PUM1: variants seen among roughly 807,000 people sequenced by gnomAD.
The protein encoded by PUM1 is pumilio RNA binding family member 1.
PUM1 carries 13 observed loss-of-function variants against 131.8 expected under a neutral mutation model. The ratio of observed to expected loss-of-function variants is 0.10; its 90% CI spans 0.06 to 0.16. PUM1 has a LOEUF of 0.16. PUM1 is among the 10% of genes least tolerant of loss of function. The pLI is 1.00. For synonymous variants in PUM1, 509 were observed against 556.5 expected, an observed-to-expected ratio of 0.91 and a Z score of 1.20; for missense variants, 961 against 1,512.4, an observed-to-expected ratio of 0.64 and a Z score of 6.05.
At chr1:30,985,638 G>A (rs1174257987) in intron 7 of PUM1, among the ~76,000 whole-genome samples, 2 of 100,856 alleles carry the variant, frequency 2.0e-5, no homozygotes, top group Non-Finnish European at 3.6e-5. Flanking sequence ...CAACAAGAGT[G>A]AAACTCCATC....
Position 30,933,167 on chromosome 1 carries a change from C to T in PUM1, c.*44G>A. 6.4e-7 allele frequency: 1 copy of T among 1,574,366 alleles called. No individual in the cohort carries two copies. Among genetic ancestry groups the T allele is most frequent in the Non-Finnish European group, 8.6e-7 (1 of 1,160,188 alleles). ...GTTGCTGGTTGGATTTGCCAGTGGG[C>T]CAGTGAGGTCAGCGGGAATGAGGGA... On this transcript the variant is annotated 3_prime_UTR_variant, in exon 22 of 22. Coordinates refer to ENST00000426105, the MANE Select transcript of PUM1 (RefSeq NM_001020658.2).
rs138764103 is a variant in PUM1, at chr1:31,011,164, TACACACAC to T, written c.433-4070_433-4063del. Reference sequence around the variant, plus strand: ...CAGAGTGAGACCCTATCTCTTAAAATACACACACACACACACACACACACACACACACA... The same window carrying T: ...CAGAGTGAGACCCTATCTCTTAAAATACACACACACACACACACACACACA... On this transcript the variant is annotated intron_variant, in intron 3 of 21. Transcript: ENST00000426105. Among the ~76,000 whole-genome samples, 125 of 143,038 alleles carry T rather than the reference TACACACAC, an allele frequency of 8.7e-4. No homozygotes were observed. The East Asian group carries it at 9.0e-3, about 10-fold the overall frequency. 93.8% of individuals were successfully genotyped at this position (143,038 alleles called of 152,430 possible).
In PUM1 at chr1:31,009,782, A is replaced by AAACAAAAAC. The variant is rs1553150215; in HGVS notation, c.433-2681_433-2680insGTTTTTGTT. Among the ~76,000 whole-genome samples, 511 of 125,288 alleles carry AAACAAAAAC rather than the reference A, an allele frequency of 4.1e-3. 2 individuals are homozygous for AAACAAAAAC. Among genetic ancestry groups the AAACAAAAAC allele is most frequent in the African/African-American group, 0.016 (488 of 30,338 alleles). The allele number at this position is 125,288 out of a possible 152,430, so 82.2% of individuals were successfully genotyped here. A position where few individuals can be genotyped will look rare whatever the true frequency, so the allele number is the denominator to read the frequency against. On this transcript the variant is annotated intron_variant, in intron 3 of 21. Coordinates refer to ENST00000426105, the MANE Select transcript of PUM1 (RefSeq NM_001020658.2). The stretch of plus-strand genomic sequence containing the variant: ...GACTCTGTCTCAAAAAAAAAAAAAA[A>AAACAAAAAC]AAAAACAAAAACAGAAACAAAAAAA...
At chr1:30,975,296 T>C (rs1641086610) in intron 9 of PUM1, among the ~76,000 whole-genome samples, 1 of 152,106 alleles carries the variant, frequency 6.6e-6, no homozygotes, top group African/African-American at 2.4e-5. Flanking sequence ...CAACAAAACC[T>C]AGACACTCAA....
chr1:31,053,341 CAA>C (rs112722614), intron 2 of PUM1, among the ~76,000 whole-genome samples: 42 of 126,456 alleles, frequency 3.3e-4, no homozygotes, highest in Admixed American at 4.0e-4. Context: ...ATTTTACAGG[CAA>C]AAAAAAAAAA....
chr1:31,007,649 A>AGG (rs1642441929), intron 3 of PUM1, among the ~76,000 whole-genome samples: 2 of 152,198 alleles, frequency 1.3e-5, no homozygotes, highest in African/African-American at 4.8e-5. Context: ...AACCTATTCC[A>AGG]AGATTTTGGA....
At chr1:31,028,142 C>T (rs1243653675) in intron 3 of PUM1, among the ~76,000 whole-genome samples, 1 of 152,192 alleles carries the variant, frequency 6.6e-6, no homozygotes, top group Non-Finnish European at 1.5e-5. Context: ...CTTTTTAAGA[C>T]TTACAGCAAC....
At chr1:30,956,212 AAGG>A (rs1640158750) in intron 14 of PUM1, among the ~76,000 whole-genome samples, 1 of 152,326 alleles carries the variant, frequency 6.6e-6, no homozygotes, top group African/African-American at 2.4e-5. Flanking sequence ...TTAAGGAAGA[AAGG>A]AGATTAACTG....
chr1:31,028,698 C>A, intron 3 of PUM1, 98 bp downstream of exon 3: 1 of 1,025,006 alleles, frequency 9.8e-7, no homozygotes, highest in Non-Finnish European at 1.5e-6. Context: ...AAAGCAAGCA[C>A]ATATTTCTGG....
chr1:31,056,784 G>A lies in PUM1; in HGVS notation c.363+2420C>T, dbSNP rs190225843. The stretch of plus-strand genomic sequence containing the variant: ...TGGAAACACAGGCATGTGCCCCCAC[G>A]CCCAGCTAATTTTTTACTTTATTTT... On this transcript the variant is annotated intron_variant, in intron 2 of 21. Coordinates refer to ENST00000426105, the MANE Select transcript of PUM1 (RefSeq NM_001020658.2). Among the ~76,000 whole-genome samples the A allele has an allele frequency of 3.1e-4, 47 of 151,334 alleles. 1 individual carries two copies. In the East Asian group the frequency reaches 8.8e-3, roughly 28 times the overall value.
chr1:31,025,491 G>A (rs2124541206), intron 3 of PUM1, among the ~76,000 whole-genome samples: 1 of 148,720 alleles, frequency 6.7e-6, no homozygotes, highest in East Asian at 2.0e-4. Flanking sequence ...TAGCTTAAAA[G>A]TCATGCAATT....
intron 2 of PUM1, among the ~76,000 whole-genome samples, chr1:31,038,984 A>ATATATATAT: frequency 2.0e-4 from 10 of 49,418 alleles, no homozygotes; most frequent in African/African-American, 4.1e-4. Context: ...ATATATATAT[A>ATATATATAT]TTTTTTTTTT....
chr1:30,933,435 C>CACAG, intron 21 of PUM1, 93 bp from the exon 22 acceptor site: 1 of 871,282 alleles, frequency 1.1e-6, no homozygotes, highest in Non-Finnish European at 1.8e-6. Flanking sequence ...GCATCACACA[C>CACAG]ACATACACAC....
intron 2 of PUM1, chr1:31,037,143 GA>G: frequency 6.5e-6 from 1 of 153,244 alleles, no homozygotes. Context: ...ATCCTACAAG[GA>G]AAAACCAGGC....
chr1:30,975,111 G>C (rs1285696370), intron 9 of PUM1, among the ~76,000 whole-genome samples: 5 of 152,184 alleles, frequency 3.3e-5, no homozygotes, highest in African/African-American at 4.8e-5. Flanking sequence ...ATGTAGCATA[G>C]AGACAATATC....
At chr1:31,060,829 T>G (rs1046124892) in intron 1 of PUM1, among the ~76,000 whole-genome samples, 1 of 151,232 alleles carries the variant, frequency 6.6e-6, no homozygotes, top group Admixed American at 6.6e-5. Flanking sequence ...GAGGTTGCAG[T>G]GAGCCAAGAT....
chr1:31,008,789 G>A (rs1642485854), intron 3 of PUM1, among the ~76,000 whole-genome samples: 1 of 152,088 alleles, frequency 6.6e-6, no homozygotes. Flanking sequence ...AGGTCACAGA[G>A]GGGATACTGA....
chr1:31,020,956 C>A (rs980426073), intron 3 of PUM1, among the ~76,000 whole-genome samples: 1 of 152,210 alleles, frequency 6.6e-6, no homozygotes, highest in Admixed American at 6.5e-5. Flanking sequence ...TAGTTTAATA[C>A]CAGCTTGAGA....
chr1:30,994,377 T>C (rs552134736), intron 6 of PUM1, among the ~76,000 whole-genome samples: 1 of 152,226 alleles, frequency 6.6e-6, no homozygotes, highest in South Asian at 2.1e-4. Context: ...TGGACAAGGA[T>C]TTTTATAGAT....
Sources: gnomAD v4.1 joint callset for allele counts (sites outside exome capture counted in the v4.1 genomes callset) on GRCh38, gnomAD v4.1.1 for gene constraint, MANE v1.5 for transcripts, NCBI Gene and HGNC (gene_info 2026-07-23, HGNC 2026-07-21) for gene names.